FBXW7: variants seen among roughly 807,000 people sequenced by gnomAD.
The protein encoded by FBXW7 is F-box and WD repeat domain containing 7.
Under a neutral mutation model 86.3 loss-of-function variants are expected in FBXW7, and 11 were observed. The observed-to-expected ratio is 0.13, with a 90% CI of 0.08 to 0.21. The LOEUF is 0.21. Among genes scored for constraint, FBXW7 ranks in the 10% least tolerant of loss-of-function variants. FBXW7 has a pLI of 1.00. For synonymous variants in FBXW7, 313 were observed against 297.9 expected, an observed-to-expected ratio of 1.05 and a Z score of -0.52; for missense variants, 488 against 847.4, an observed-to-expected ratio of 0.58 and a Z score of 5.27.
intron 4 of FBXW7, among the ~76,000 whole-genome samples, chr4:152,397,188 T>C (rs1290453956): frequency 2.0e-5 from 3 of 152,050 alleles, no homozygotes; most frequent in Admixed American, 2.0e-4. Context: ...TAAACAGTAG[T>C]TAACGAGAAA....
intron 2 of FBXW7, among the ~76,000 whole-genome samples, chr4:152,462,790 A>G (rs542535729): frequency 6.6e-6 from 1 of 152,216 alleles, no homozygotes; most frequent in Non-Finnish European, 1.5e-5. Context: ...TGCATTCTTA[A>G]AAGAAGAATC....
chr4:152,432,426 T>C (rs1284609146), intron 2 of FBXW7, among the ~76,000 whole-genome samples: 1 of 152,202 alleles, frequency 6.6e-6, no homozygotes, highest in African/African-American at 2.4e-5. Context: ...ATATGTAATT[T>C]AATTGAGGTA....
At chr4:152,405,829 AC>A (rs77940848) in intron 4 of FBXW7, among the ~76,000 whole-genome samples, 4,664 of 152,302 alleles carry the variant, frequency 0.031, 120 homozygotes, top group African/African-American at 0.061. Flanking sequence ...AGAAGATGGG[AC>A]CTATTGAGAG....
At chr4:152,462,463 G>C (rs1241153829) in intron 2 of FBXW7, among the ~76,000 whole-genome samples, 1 of 152,202 alleles carries the variant, frequency 6.6e-6, no homozygotes, top group African/African-American at 2.4e-5. Context: ...GATTAGCCAT[G>C]ATTTGGACAG....
At chr4:152,476,403 CTG>C (rs1184736729) in intron 2 of FBXW7, among the ~76,000 whole-genome samples, 2 of 152,118 alleles carry the variant, frequency 1.3e-5, no homozygotes, top group African/African-American at 4.8e-5. Flanking sequence ...GAAAAAAACT[CTG>C]TGATTTTCAA....
intron 4 of FBXW7, among the ~76,000 whole-genome samples, chr4:152,363,058 T>C (rs1012798631): frequency 2.0e-5 from 3 of 152,134 alleles, no homozygotes; most frequent in Non-Finnish European, 2.9e-5. Flanking sequence ...TCAAAGACTT[T>C]AACTTTGTGA....
intron 11 of FBXW7, 115 bp downstream of exon 11, chr4:152,328,093 A>T: frequency 2.4e-6 from 2 of 817,832 alleles, no homozygotes; most frequent in Non-Finnish European, 3.8e-6. Flanking sequence ...GAAGTGTAAT[A>T]ATTAAATCTA....
chr4:152,331,459 TG>T (rs1729558654), intron 8 of FBXW7, among the ~76,000 whole-genome samples: 1 of 152,036 alleles, frequency 6.6e-6, no homozygotes, highest in Non-Finnish European at 1.5e-5. Context: ...TGAAATAAGC[TG>T]ATTACAAAAG....
intron 2 of FBXW7, among the ~76,000 whole-genome samples, chr4:152,412,863 C>T (rs1221307603): frequency 6.6e-6 from 1 of 152,056 alleles, no homozygotes; most frequent in Admixed American, 6.6e-5. Context: ...ATGCTTTAAA[C>T]TTACTTCTTT....
intron 8 of FBXW7, among the ~76,000 whole-genome samples, chr4:152,331,583 A>T (rs1169590712): frequency 6.6e-6 from 1 of 152,048 alleles, no homozygotes; most frequent in African/African-American, 2.4e-5. Flanking sequence ...ATGGGGAGTT[A>T]GAACAGGGGG....
At chr4:152,337,724 G>T (rs1730279848) in intron 7 of FBXW7, 78 bp downstream of exon 7, 2 of 1,409,656 alleles carry the variant, frequency 1.4e-6, no homozygotes, top group South Asian at 1.4e-5. Flanking sequence ...TAATTAGCAT[G>T]ACAATGTTTA....
intron 2 of FBXW7, among the ~76,000 whole-genome samples, chr4:152,473,753 C>T (rs1744163175): frequency 6.6e-6 from 1 of 152,136 alleles, no homozygotes; most frequent in African/African-American, 2.4e-5. Flanking sequence ...AAGCATGAAA[C>T]ATGCTTCTTC....
At chr4:152,480,263 C>T (rs1744760085) in intron 2 of FBXW7, among the ~76,000 whole-genome samples, 1 of 152,124 alleles carries the variant, frequency 6.6e-6, no homozygotes, top group Non-Finnish European at 1.5e-5. Flanking sequence ...TTATGGTGAT[C>T]TGTGATCTTT....
At chr4:152,382,823 GT>G (rs1735209766) in intron 4 of FBXW7, among the ~76,000 whole-genome samples, 1 of 152,028 alleles carries the variant, frequency 6.6e-6, no homozygotes, top group Non-Finnish European at 1.5e-5. Context: ...TTTTAGGAAT[GT>G]TTTGAATTCT....
At chr4:152,367,003 A>T (rs1212065706) in intron 4 of FBXW7, among the ~76,000 whole-genome samples, 1 of 152,164 alleles carries the variant, frequency 6.6e-6, no homozygotes, top group East Asian at 1.9e-4. Flanking sequence ...GGAAACCATC[A>T]CTCTGAGCAA....
At chr4:152,446,183 CA>C (rs781502062) in intron 2 of FBXW7, among the ~76,000 whole-genome samples, 10 of 152,218 alleles carry the variant, frequency 6.6e-5, no homozygotes, top group Non-Finnish European at 1.3e-4. Flanking sequence ...AAATTGGCAG[CA>C]CCAGATTTTA....
At chr4:152,351,701 T>C (rs1731833600) in intron 4 of FBXW7, among the ~76,000 whole-genome samples, 1 of 152,136 alleles carries the variant, frequency 6.6e-6, no homozygotes, top group Non-Finnish European at 1.5e-5. Flanking sequence ...CAAATTCTTA[T>C]CTTCATAATT....
intron 4 of FBXW7, among the ~76,000 whole-genome samples, chr4:152,386,729 CA>C (rs1735555875): frequency 6.6e-6 from 1 of 152,028 alleles, no homozygotes; most frequent in Non-Finnish European, 1.5e-5. Flanking sequence ...ATGGGCTAAA[CA>C]TTAGGGAACT....
chr4:152,453,521 C>G (rs1742105313), intron 2 of FBXW7, among the ~76,000 whole-genome samples: 1 of 152,088 alleles, frequency 6.6e-6, no homozygotes, highest in Non-Finnish European at 1.5e-5. Context: ...GGGCTAAAAT[C>G]TCTCCTGCCT....
Sources: allele counts gnomAD v4.1 joint callset (sites outside exome capture counted in the v4.1 genomes callset), GRCh38; gene constraint gnomAD v4.1.1; transcripts MANE v1.5; gene names NCBI Gene and HGNC (gene_info 2026-07-23, HGNC 2026-07-21).